The following CHLSN variants were observed in gnomAD, a reference collection of about 807,000 sequenced individuals.
CHLSN encodes protein cholesin.
chr7:1,045,735 C>T, the CHLSN span: 2 of 152,256 alleles, frequency 1.3e-5, no homozygotes, highest in Non-Finnish European at 2.9e-5. Context: ...TGTTGTCTTC[C>T]TCAATGAAGA....
the CHLSN span, among the ~76,000 whole-genome samples, chr7:1,017,693 C>T: frequency 2.0e-5 from 3 of 152,252 alleles, no homozygotes; most frequent in Admixed American, 1.3e-4. Context: ...ATCACCCCAA[C>T]ACGTGAACTG....
the CHLSN span, among the ~76,000 whole-genome samples, chr7:1,039,192 T>G: frequency 5.6e-4 from 8 of 14,340 alleles, no homozygotes; most frequent in East Asian, 1.5e-3. Flanking sequence ...GAGGTGGGGG[T>G]GTCAGCCCCC....
At chr7:1,082,213 A>ACTTGTTCTTCATTCCG in the CHLSN span, 2 of 152,176 alleles carry the variant, frequency 1.3e-5, 1 homozygote, top group South Asian at 4.1e-4. Context: ...TCTTCATTCC[A>ACTTGTTCTTCATTCCG]TGGTACTCGG....
the CHLSN span, among the ~76,000 whole-genome samples, chr7:1,061,998 G>A: frequency 3.3e-5 from 5 of 151,974 alleles, no homozygotes; most frequent in Admixed American, 6.6e-5. Context: ...CCAGGCAGCC[G>A]TCTGCCCAAC....
the CHLSN span, among the ~76,000 whole-genome samples, chr7:1,134,283 G>C: frequency 6.6e-6 from 1 of 151,834 alleles, no homozygotes; most frequent in Non-Finnish European, 1.5e-5. Context: ...TTAAAAGGGT[G>C]GGGGGCAAGG....
the CHLSN span, among the ~76,000 whole-genome samples, chr7:999,831 C>G: frequency 6.6e-6 from 1 of 152,246 alleles, no homozygotes; most frequent in Non-Finnish European, 1.5e-5. Flanking sequence ...GTGGGCTCCT[C>G]CAGCCTCACA....
the CHLSN span, among the ~76,000 whole-genome samples, chr7:1,005,633 C>T: frequency 1.4e-4 from 22 of 152,238 alleles, no homozygotes; most frequent in Admixed American, 9.2e-4. Flanking sequence ...ACAGTTTGGC[C>T]TCTGCTCTGG....
chr7:1,104,195 G>A, the CHLSN span, among the ~76,000 whole-genome samples: 1 of 152,258 alleles, frequency 6.6e-6, no homozygotes, highest in Non-Finnish European at 1.5e-5. Flanking sequence ...AGGCTCTGGA[G>A]AAGGCCAACC....
chr7:1,054,728 G>GCCCTCGCAGGAGGC, the CHLSN span, among the ~76,000 whole-genome samples: 12 of 152,336 alleles, frequency 7.9e-5, no homozygotes, highest in Non-Finnish European at 1.6e-4. Flanking sequence ...CTGCAGGAGA[G>GCCCTCGCAGGAGGC]CCCTCGCAGG....
the CHLSN span, among the ~76,000 whole-genome samples, chr7:1,003,833 G>A: frequency 8.6e-6 from 1 of 116,658 alleles, no homozygotes; most frequent in African/African-American, 3.6e-5. Flanking sequence ...AGTCCTGTGG[G>A]TGAGTGGAGT....
the CHLSN span, among the ~76,000 whole-genome samples, chr7:1,113,953 A>C: frequency 6.6e-6 from 1 of 152,380 alleles, no homozygotes; most frequent in African/African-American, 2.4e-5. Flanking sequence ...CTCAGAAAGA[A>C]GTACAAACCT....
the CHLSN span, among the ~76,000 whole-genome samples, chr7:1,113,402 G>A: frequency 6.6e-6 from 1 of 152,192 alleles, no homozygotes; most frequent in Non-Finnish European, 1.5e-5. Context: ...AGCAGCAGCT[G>A]CTCCTGTTCT....
chr7:1,123,955 G>T, the CHLSN span, among the ~76,000 whole-genome samples: 1 of 151,862 alleles, frequency 6.6e-6, no homozygotes, highest in Non-Finnish European at 1.5e-5. This position sits in a 1 kb window ranked among gnomAD's most constrained non-coding sequence, Gnocchi z 4.4. Flanking sequence ...GCTCCAGGTC[G>T]CTTCCCAACG....
the CHLSN span, among the ~76,000 whole-genome samples, chr7:1,096,110 G>A: frequency 3.3e-5 from 5 of 152,310 alleles, no homozygotes; most frequent in African/African-American, 9.6e-5. The surrounding 1 kb of genome is among the most constrained non-coding windows in gnomAD (Gnocchi z 4.6). Flanking sequence ...TGCCACAGAC[G>A]CGGCTTCCAT....
chr7:1,100,124 G>A, the CHLSN span, among the ~76,000 whole-genome samples: 1 of 152,240 alleles, frequency 6.6e-6, no homozygotes, highest in African/African-American at 2.4e-5. Context: ...GGAGGGTGCT[G>A]AGTGGAAATG....
chr7:1,076,781 C>A, the CHLSN span, among the ~76,000 whole-genome samples: 4 of 152,346 alleles, frequency 2.6e-5, no homozygotes, highest in African/African-American at 9.6e-5. Context: ...TCGGGAAAGC[C>A]GGGGGAGGAG....
chr7:1,116,966 C>A, the CHLSN span, among the ~76,000 whole-genome samples: 1 of 36,156 alleles, frequency 2.8e-5, no homozygotes, highest in Admixed American at 2.5e-4. Context: ...ATGATGACAT[C>A]ACTGCAGTTC....
At chr7:983,680 C>T in the CHLSN span, among the ~76,000 whole-genome samples, 1 of 152,246 alleles carries the variant, frequency 6.6e-6, no homozygotes, top group South Asian at 2.1e-4. Context: ...TGAGAGCCCG[C>T]AGGAGGCCAG....
chr7:1,007,154 C>G, the CHLSN span, among the ~76,000 whole-genome samples: 1 of 152,142 alleles, frequency 6.6e-6, no homozygotes, highest in African/African-American at 2.4e-5. Flanking sequence ...AGAGGAAACT[C>G]TCCACCATGA....
Sources: allele counts gnomAD v4.1 joint callset (sites outside exome capture counted in the v4.1 genomes callset), GRCh38; gene constraint gnomAD v4.1.1; non-coding constraint Gnocchi (gnomAD v3.1); transcripts MANE v1.5; gene names NCBI Gene and HGNC (gene_info 2026-07-23, HGNC 2026-07-21).